Variants in SYN3 observed in about 807,000 individuals in gnomAD.
SYN3 encodes the protein synapsin-3.
A neutral mutation model predicts 65.8 loss-of-function variants in SYN3; 35 were observed. That is an observed-to-expected ratio of 0.53 (90% CI 0.41 to 0.70). The LOEUF is 0.70. Among genes scored for constraint, SYN3 ranks in the 30% least tolerant of loss-of-function variants. The pLI is 0.00. For synonymous variants in SYN3, 270 were observed against 292.9 expected, an observed-to-expected ratio of 0.92 and a Z score of 0.80; for missense variants, 680 against 749.0, an observed-to-expected ratio of 0.91 and a Z score of 1.08.
intron 1 of SYN3, among the ~76,000 whole-genome samples, chr22:33,052,256 C>G (rs1357239725): frequency 1.3e-5 from 2 of 152,208 alleles, no homozygotes; most frequent in Non-Finnish European, 2.9e-5. Context: ...CCAGGTTGAA[C>G]AATGCTCAGA....
At chr22:32,911,658 T>C (rs2050055311) in intron 4 of SYN3, among the ~76,000 whole-genome samples, 1 of 152,114 alleles carries the variant, frequency 6.6e-6, no homozygotes, top group South Asian at 2.1e-4. Flanking sequence ...TAATAAAAGA[T>C]GGCTGCACGG....
intron 6 of SYN3, among the ~76,000 whole-genome samples, chr22:32,717,920 G>A (rs1032787375): frequency 1.4e-4 from 21 of 152,270 alleles, no homozygotes; most frequent in African/African-American, 4.3e-4. Flanking sequence ...GTTTGTGCAC[G>A]CAAGCATGCA....
intron 6 of SYN3, among the ~76,000 whole-genome samples, chr22:32,802,779 G>T (rs1020105144): frequency 6.6e-6 from 1 of 152,156 alleles, no homozygotes; most frequent in African/African-American, 2.4e-5. Flanking sequence ...GCCAGCAGAA[G>T]GTGCGAGGGG....
chr22:32,586,169 C>T (rs1456877839), intron 7 of SYN3, among the ~76,000 whole-genome samples: 1 of 151,138 alleles, frequency 6.6e-6, no homozygotes, highest in African/African-American at 2.4e-5. Flanking sequence ...AACACATGCA[C>T]ACACATGCAA....
At chr22:32,812,748 G>C (rs1456007954) in intron 6 of SYN3, among the ~76,000 whole-genome samples, 1 of 152,218 alleles carries the variant, frequency 6.6e-6, no homozygotes, top group Non-Finnish European at 1.5e-5. Context: ...CTTTGTTTAA[G>C]TGAATGAGGA....
intron 7 of SYN3, among the ~76,000 whole-genome samples, chr22:32,586,070 A>G (rs1030709947): frequency 2.2e-5 from 3 of 133,952 alleles, no homozygotes; most frequent in Non-Finnish European, 4.9e-5. Flanking sequence ...GTATATATGT[A>G]TACATGTATA....
chr22:32,657,032 C>A (rs920200330), intron 6 of SYN3, among the ~76,000 whole-genome samples: 2 of 152,154 alleles, frequency 1.3e-5, no homozygotes, highest in Non-Finnish European at 2.9e-5. Context: ...GGGAAGAGAT[C>A]CCCTCCCAGG....
rs145971116 is a variant in SYN3, at chr22:32,679,048, C to CTTT, written c.712-82315_712-82313dup. On this transcript the variant is annotated intron_variant, in intron 6 of 13. Transcript: ENST00000358763. ...CATTTTCTTTTTTCTTTGTTTCTTT[C>CTTT]TTTTTTTTTTTTTTTTTTTTTTGAG... 8.4e-3 allele frequency among the ~76,000 whole-genome samples: 718 copies of CTTT among 85,412 alleles called. 2 individuals are homozygous for CTTT. Among genetic ancestry groups the CTTT allele is most frequent in the Non-Finnish European group, 9.4e-3 (446 of 47,496 alleles). 56.0% of individuals were successfully genotyped at this position (85,412 alleles called of 152,430 possible).
intron 6 of SYN3, among the ~76,000 whole-genome samples, chr22:32,698,326 C>A (rs982932097): frequency 1.3e-5 from 2 of 152,136 alleles, no homozygotes; most frequent in Non-Finnish European, 2.9e-5. Context: ...TCCCCCGTTT[C>A]TTTGGCTGAG....
At chr22:32,673,778 T>C (rs2147077466) in intron 6 of SYN3, among the ~76,000 whole-genome samples, 1 of 152,312 alleles carries the variant, frequency 6.6e-6, no homozygotes, top group Admixed American at 6.5e-5. Flanking sequence ...AAGAGTTCAA[T>C]ACAGCTGAAG....
chr22:32,930,405 C>T (rs1160734206), intron 4 of SYN3, among the ~76,000 whole-genome samples: 4 of 152,184 alleles, frequency 2.6e-5, no homozygotes, highest in African/African-American at 7.2e-5. Context: ...TCCTCAGCCA[C>T]GTGGAACTGT....
At chr22:32,863,981 C>T (rs746769913) in intron 6 of SYN3, among the ~76,000 whole-genome samples, 6 of 152,086 alleles carry the variant, frequency 3.9e-5, no homozygotes, top group South Asian at 2.1e-4. Flanking sequence ...GACTCTTGCC[C>T]GATCAGATAC....
chr22:32,994,239 G>A (rs1474042606), intron 2 of SYN3, among the ~76,000 whole-genome samples: 2 of 152,112 alleles, frequency 1.3e-5, no homozygotes, highest in Admixed American at 6.5e-5. Flanking sequence ...GTCTCCAGGC[G>A]ACGGGGTAGG....
intron 6 of SYN3, among the ~76,000 whole-genome samples, chr22:32,632,331 C>G (rs909814013): frequency 8.5e-5 from 13 of 152,190 alleles, no homozygotes; most frequent in African/African-American, 2.2e-4. Flanking sequence ...GCGGTGAGAG[C>G]TCTTGCCTGG....
intron 6 of SYN3, among the ~76,000 whole-genome samples, chr22:32,622,584 G>A (rs891260684): frequency 6.6e-6 from 1 of 152,060 alleles, no homozygotes; most frequent in African/African-American, 2.4e-5. Context: ...GCTGGAATGT[G>A]TTTTCTCACA....
intron 6 of SYN3, among the ~76,000 whole-genome samples, chr22:32,671,200 T>C (rs1008793770): frequency 1.3e-5 from 2 of 152,026 alleles, no homozygotes; most frequent in Admixed American, 1.3e-4. Context: ...CCTCACTAGA[T>C]CTTCTTTCCA....
At chr22:32,729,128 T>C (rs1043352409) in intron 6 of SYN3, among the ~76,000 whole-genome samples, 1 of 152,208 alleles carries the variant, frequency 6.6e-6, no homozygotes, top group Non-Finnish European at 1.5e-5. Flanking sequence ...CAGCTATCCA[T>C]TTGTTAATTG....
chr22:32,889,418 G>GAAAA (rs137511), intron 4 of SYN3, among the ~76,000 whole-genome samples: 1 of 146,400 alleles, frequency 6.8e-6, no homozygotes. Flanking sequence ...CCTCCACAAG[G>GAAAA]AAAAAAAAAA....
At chr22:32,749,166 C>T (rs982241399) in intron 6 of SYN3, among the ~76,000 whole-genome samples, 1 of 152,124 alleles carries the variant, frequency 6.6e-6, no homozygotes, top group African/African-American at 2.4e-5. Context: ...CTTTTCGGTT[C>T]ATAGACGACT....
Sources: allele counts gnomAD v4.1 joint callset (sites outside exome capture counted in the v4.1 genomes callset), GRCh38; gene constraint gnomAD v4.1.1; transcripts MANE v1.5; gene names NCBI Gene and HGNC (gene_info 2026-07-23, HGNC 2026-07-21).